MYH15: variants seen among roughly 807,000 people sequenced by gnomAD.
MYH15 encodes the protein myosin heavy chain 15.
A neutral mutation model predicts 240.5 loss-of-function variants in MYH15; 227 were observed. The observed-to-expected ratio is 0.94, with a 90% CI of 0.85 to 1.05. MYH15 has a LOEUF of 1.05. Among genes scored for constraint, MYH15 ranks in the 50% least tolerant of loss-of-function variants. MYH15 has a pLI of 0.00. For synonymous variants in MYH15, 785 were observed against 796.7 expected (o/e 0.99, Z 0.25); for missense variants, 2,217 against 2,247.5 (o/e 0.99, Z 0.27).
At chr3:108,393,470 C>G (rs544313108) in intron 36 of MYH15, among the ~76,000 whole-genome samples, 2 of 152,194 alleles carry the variant, frequency 1.3e-5, no homozygotes, top group African/African-American at 4.8e-5. Context: ...TATGAAGGTG[C>G]GCCAAAGCTG....
At chr3:108,399,819 C>T (rs1429094840) in intron 33 of MYH15, among the ~76,000 whole-genome samples, 1 of 152,022 alleles carries the variant, frequency 6.6e-6, no homozygotes, top group Non-Finnish European at 1.5e-5. Context: ...GAGAGTACAC[C>T]CAAGGATTGG....
chr3:108,514,305 T>A (rs2083543959), upstream of MYH15, among the ~76,000 whole-genome samples: 1 of 151,860 alleles, frequency 6.6e-6, no homozygotes, highest in Admixed American at 6.6e-5. Flanking sequence ...GTAGTGCCTG[T>A]AGTTCTTTTA....
At chr3:108,501,994 C>T (rs896323296) in intron 2 of MYH15, 139 bp from the exon 3 acceptor site, 66 of 893,890 alleles carry the variant, frequency 7.4e-5, no homozygotes, top group Non-Finnish European at 9.9e-5. Flanking sequence ...GAAATTAAGC[C>T]AGCCTTCATG....
Position 108,410,733 on chromosome 3 carries a change from T to C in MYH15, c.4345A>G (p.Lys1449Glu), listed in dbSNP as rs747213332. 2.5e-6 allele frequency: 4 copies of C among 1,614,036 alleles called. No individual in the cohort carries two copies. The African/African-American group carries it at 5.3e-5, about 22-fold the overall frequency. The change falls in exon 31 of 41, where the codon AAG (lysine) becomes GAG (glutamate). Residue 1449 changes from lysine (K) to glutamate (E), a missense_variant. Coordinates refer to ENST00000693548, the MANE Select transcript of MYH15 (RefSeq NM_014981.3). Reference sequence around the variant, plus strand: ...GCCTGGGACTCCTCGTGCTTCTGCTTCCAGTCGGCAAGGGCCTTGCCAGAC... The same window carrying C: ...GCCTGGGACTCCTCGTGCTTCTGCTCCCAGTCGGCAAGGGCCTTGCCAGAC... ...LQSGKALADW[K>E]QKHEESQALL...
In MYH15 at chr3:108,421,145, C is replaced by T. The variant is rs530559081; in HGVS notation, c.3772G>A (p.Val1258Met). 1.2e-4 allele frequency: 191 copies of T among 1,614,160 alleles called. No individual in the cohort carries two copies. In the East Asian group the frequency reaches 4.2e-3, roughly 35 times the overall value. Residue 1258 changes from valine to methionine, a missense_variant, in exon 28 of 41, where the codon GTG becomes ATG. By Grantham distance (21) the Val-to-Met change is conservative. Coordinates refer to ENST00000693548, the MANE Select transcript of MYH15 (RefSeq NM_014981.3). Reference protein sequence around the residue: ...LHEATAKLDKVTQLANDLAAQ... With the variant: ...LHEATAKLDKMTQLANDLAAQ... The stretch of plus-strand genomic sequence containing the variant: ...GCCAGGTCATTTGCCAACTGAGTCA[C>T]CTTATCTAGCTTTGCAGTTGCTTCA...
chr3:108,419,388 T>C (rs992026106), intron 28 of MYH15, among the ~76,000 whole-genome samples: 1 of 152,178 alleles, frequency 6.6e-6, no homozygotes, highest in African/African-American at 2.4e-5. Flanking sequence ...AATTATCATC[T>C]CAGACCCACT....
chr3:108,457,945 A>C (rs972816970), intron 18 of MYH15, among the ~76,000 whole-genome samples: 11 of 152,166 alleles, frequency 7.2e-5, no homozygotes, highest in African/African-American at 2.7e-4. Flanking sequence ...GAGGTACAAG[A>C]ATTGCTTGAA....
At chr3:108,464,919 G>A in intron 14 of MYH15, 105 bp from the exon 15 acceptor site, 1 of 987,572 alleles carries the variant, frequency 1.0e-6, no homozygotes. Context: ...TTGACAAAGG[G>A]AAGAATATTC....
chr3:108,389,204 A>T, intron 37 of MYH15, 130 bp from the exon 38 acceptor site: 1 of 695,160 alleles, frequency 1.4e-6, no homozygotes, highest in South Asian at 2.1e-5. Context: ...TGGTGCTTAA[A>T]CAGGACAGTG....
intron 1 of MYH15, among the ~76,000 whole-genome samples, chr3:108,526,036 C>A (rs1251677543): frequency 6.6e-6 from 1 of 152,092 alleles, no homozygotes; most frequent in South Asian, 2.1e-4. Flanking sequence ...CTGTTCTGAG[C>A]TGCTCATCTA....
At chr3:108,455,911 A>G (rs1324674334) in intron 19 of MYH15, 52 bp from the exon 20 acceptor site, 1 of 1,539,644 alleles carries the variant, frequency 6.5e-7, no homozygotes. Flanking sequence ...TATTATTCAA[A>G]TAAAGACTAA....
chr3:108,440,787 T>C (rs2082878291), intron 23 of MYH15, among the ~76,000 whole-genome samples: 1 of 150,868 alleles, frequency 6.6e-6, no homozygotes, highest in Non-Finnish European at 1.5e-5. Context: ...CAAATGAAAA[T>C]GTTTCATTTG....
the MYH15 span, among the ~76,000 whole-genome samples, chr3:108,544,155 A>T: frequency 6.6e-6 from 1 of 152,136 alleles, no homozygotes; most frequent in East Asian, 1.9e-4. Flanking sequence ...GTGAGAGACA[A>T]GTTCTTTGCA....
chr3:108,512,868 C>T (rs1397668030), upstream of MYH15, among the ~76,000 whole-genome samples: 3 of 151,906 alleles, frequency 2.0e-5, no homozygotes, highest in African/African-American at 7.3e-5. Context: ...ACATTAGGTG[C>T]CAGGAGTGGG....
chr3:108,503,529 A>C (rs1560435826), intron 2 of MYH15, among the ~76,000 whole-genome samples: 2 of 152,234 alleles, frequency 1.3e-5, no homozygotes, highest in African/African-American at 2.4e-5. Context: ...GGAGATAAAC[A>C]AATGGCCAAT....
intron 32 of MYH15, among the ~76,000 whole-genome samples, chr3:108,407,004 C>T (rs1380106428): frequency 6.6e-6 from 1 of 152,106 alleles, no homozygotes; most frequent in African/African-American, 2.4e-5. Flanking sequence ...AGCCAGAGAA[C>T]CAAAGGGAAC....
intron 1 of MYH15, among the ~76,000 whole-genome samples, chr3:108,506,548 TC>T (rs1394060661): frequency 2.0e-5 from 3 of 152,124 alleles, no homozygotes; most frequent in Non-Finnish European, 4.4e-5. Context: ...CTTCTCTTTC[TC>T]TCCCAGTTGA....
chr3:108,469,963 A>T, intron 14 of MYH15, 79 bp downstream of exon 14: 1 of 1,398,566 alleles, frequency 7.2e-7, no homozygotes, highest in Non-Finnish European at 9.7e-7. Context: ...ATAGGGCCTA[A>T]GTCCTGACAT....
chr3:108,470,905 G>C, intron 12 of MYH15, 58 bp from the exon 13 acceptor site: 1 of 1,555,544 alleles, frequency 6.4e-7, no homozygotes, highest in Non-Finnish European at 8.8e-7. Context: ...TTTAATCCCG[G>C]GCATTCTCTA....
Sources: gnomAD v4.1 joint callset for allele counts (sites outside exome capture counted in the v4.1 genomes callset) on GRCh38, gnomAD v4.1.1 for gene constraint, MANE v1.5 for transcripts, NCBI Gene and HGNC (gene_info 2026-07-23, HGNC 2026-07-21) for gene names.